TENM3: variants seen among roughly 807,000 people sequenced by gnomAD.
TENM3 encodes the protein teneurin transmembrane protein 3, also known as teneurin-3.
Under a neutral mutation model 255.1 loss-of-function variants are expected in TENM3, and 63 were observed. That is an observed-to-expected ratio of 0.25 (90% CI 0.20 to 0.30). TENM3 has a LOEUF of 0.30. Among genes scored for constraint, TENM3 ranks in the 10% least tolerant of loss-of-function variants. The pLI is 1.00. For missense variants in TENM3, 2,929 were observed against 3,461.1 expected, an observed-to-expected ratio of 0.85 and a Z score of 3.86; for synonymous variants, 1,306 against 1,322.3, an observed-to-expected ratio of 0.99 and a Z score of 0.27.
chr4:181,655,577 A>G, the TENM3 span, among the ~76,000 whole-genome samples: 3 of 152,204 alleles, frequency 2.0e-5, no homozygotes, highest in African/African-American at 7.2e-5. Flanking sequence ...GGTCAGTGCT[A>G]TGGCCACCTG....
At chr4:182,077,267 CA>C in the TENM3 span, among the ~76,000 whole-genome samples, 2,231 of 152,232 alleles carry the variant, frequency 0.015, 52 homozygotes, top group African/African-American at 0.051. Flanking sequence ...TTCTCCACTT[CA>C]AATAAATTAT....
chr4:181,770,470 C>T, the TENM3 span, among the ~76,000 whole-genome samples: 1 of 152,026 alleles, frequency 6.6e-6, no homozygotes, highest in East Asian at 1.9e-4. Flanking sequence ...GTCAGGAGAT[C>T]AAGACCATCC....
At chr4:181,731,159 GA>G in the TENM3 span, among the ~76,000 whole-genome samples, 1 of 152,166 alleles carries the variant, frequency 6.6e-6, no homozygotes, top group South Asian at 2.1e-4. Context: ...AATATCATAT[GA>G]GATACATTTT....
In TENM3 at chr4:182,504,151, A is replaced by G. The variant is rs1209028457; in HGVS notation, c.512-96773A>G. ...CCTGACGCCCGGAAACTGCTCAAAC[A>G]TATCTAAATATCCCTTCCTTCCCAT... On this transcript the variant is annotated intron_variant, in intron 3 of 27. Coordinates refer to ENST00000511685, the MANE Select transcript of TENM3 (RefSeq NM_001080477.4). Among the ~76,000 whole-genome samples, 4 of 151,600 alleles carry G rather than the reference A, an allele frequency of 2.6e-5. No homozygotes were observed. The East Asian group carries it at 5.8e-4, about 22-fold the overall frequency.
At chr4:182,564,871 A>G (rs1487632981) in intron 3 of TENM3, among the ~76,000 whole-genome samples, 1 of 152,194 alleles carries the variant, frequency 6.6e-6, no homozygotes, top group Non-Finnish European at 1.5e-5. Context: ...TAAATATACA[A>G]GTTTATTCCC....
the TENM3 span, among the ~76,000 whole-genome samples, chr4:181,808,891 C>T: frequency 6.6e-6 from 1 of 152,198 alleles, no homozygotes; most frequent in Non-Finnish European, 1.5e-5. Context: ...ATCTTTTTCA[C>T]TAACAGGTGA....
chr4:181,585,431 C>A, the TENM3 span, among the ~76,000 whole-genome samples: 1,970 of 152,158 alleles, frequency 0.013, 19 homozygotes, highest in Non-Finnish European at 0.022. Context: ...GAAAGACCAA[C>A]AAGAAAATTC....
At chr4:182,358,008 G>T (rs1229485389) in intron 3 of TENM3, among the ~76,000 whole-genome samples, 5 of 149,694 alleles carry the variant, frequency 3.3e-5, no homozygotes, top group African/African-American at 1.2e-4. Flanking sequence ...TCTCAGGTTT[G>T]TCAAAGATCA....
rs200400983 is a variant in TENM3 at position 182,680,439 on chromosome 4, G to GA, written c.1639+90_1639+91insA. On this transcript the variant is annotated intron_variant, in intron 9 of 27. Transcript: ENST00000511685. ...AAAACTACCGAGACAGGAAAGAAAGGGGGGGGGAGACTGGCATATTGCTTG... is the reference window on the plus strand; with the variant it reads ...AAAACTACCGAGACAGGAAAGAAAGGAGGGGGGGAGACTGGCATATTGCTTG... 178 of 1,417,080 alleles carry GA rather than the reference G, an allele frequency of 1.3e-4. 1 individual carries two copies. Among genetic ancestry groups the GA allele is most frequent in the Non-Finnish European group, 1.5e-4 (153 of 1,005,250 alleles). The allele number at this position is 1,417,080 out of a possible 1,614,324, so 87.8% of individuals were successfully genotyped here.
chr4:182,234,228 A>T (rs1034833123), intron 1 of TENM3, among the ~76,000 whole-genome samples: 1 of 152,154 alleles, frequency 6.6e-6, no homozygotes, highest in Non-Finnish European at 1.5e-5. Flanking sequence ...CTTACTATCC[A>T]CAAAAGTTCG....
chr4:181,938,822 T>A, the TENM3 span, among the ~76,000 whole-genome samples: 4 of 152,290 alleles, frequency 2.6e-5, no homozygotes, highest in Admixed American at 2.0e-4. Flanking sequence ...AAGAACTAGG[T>A]CTGGCACCCA....
chr4:181,507,749 C>T, the TENM3 span, among the ~76,000 whole-genome samples: 2 of 152,188 alleles, frequency 1.3e-5, no homozygotes, highest in Admixed American at 1.3e-4. Flanking sequence ...GTTTTATCAA[C>T]AATCAGTTGC....
At chr4:181,560,660 AT>A in the TENM3 span, among the ~76,000 whole-genome samples, 3 of 152,078 alleles carry the variant, frequency 2.0e-5, no homozygotes, top group Admixed American at 6.6e-5. Context: ...GTAGGTTAGA[AT>A]TTTTCCACAT....
At chr4:182,480,524 A>G (rs1332266217) in intron 3 of TENM3, among the ~76,000 whole-genome samples, 2 of 151,964 alleles carry the variant, frequency 1.3e-5, no homozygotes, top group Non-Finnish European at 2.9e-5. Flanking sequence ...TGTAGGCCTT[A>G]AGTAACTAAT....
At chr4:181,495,962 T>C in the TENM3 span, among the ~76,000 whole-genome samples, 2 of 149,980 alleles carry the variant, frequency 1.3e-5, no homozygotes, top group African/African-American at 2.5e-5. Context: ...CCTGGGGTGC[T>C]TACTGTTTAC....
At chr4:181,780,447 T>G in the TENM3 span, among the ~76,000 whole-genome samples, 2 of 152,252 alleles carry the variant, frequency 1.3e-5, no homozygotes, top group South Asian at 4.1e-4. Context: ...TTTAGAAGTG[T>G]CTGTTAATAT....
At chr4:181,602,611 C>T in the TENM3 span, among the ~76,000 whole-genome samples, 2 of 152,160 alleles carry the variant, frequency 1.3e-5, no homozygotes, top group Non-Finnish European at 2.9e-5. Flanking sequence ...CTCTTGAGAA[C>T]TATTTCACTC....
At chr4:182,717,916 C>T (rs986955431) in intron 13 of TENM3, among the ~76,000 whole-genome samples, 1 of 152,180 alleles carries the variant, frequency 6.6e-6, no homozygotes, top group African/African-American at 2.4e-5. Flanking sequence ...GAGATGGGAG[C>T]TGCTCACTCC....
At chr4:182,222,277 T>G (rs888553736) in intron 1 of TENM3, among the ~76,000 whole-genome samples, 1 of 152,252 alleles carries the variant, frequency 6.6e-6, no homozygotes, top group East Asian at 1.9e-4. Context: ...TTCAGTATGT[T>G]TTTAACAATA....
Sources: gnomAD v4.1 joint callset for allele counts (sites outside exome capture counted in the v4.1 genomes callset) on GRCh38, gnomAD v4.1.1 for gene constraint, MANE v1.5 for transcripts, NCBI Gene and HGNC (gene_info 2026-07-23, HGNC 2026-07-21) for gene names.